ATP6V1H: variants seen among roughly 807,000 people sequenced by gnomAD.
ATP6V1H encodes the protein ATPase H+ transporting V1 subunit H.
ATP6V1H carries 39 observed loss-of-function variants against 71.7 expected under a neutral mutation model. The ratio of observed to expected loss-of-function variants is 0.54; its 90% confidence interval spans 0.42 to 0.71. The LOEUF is 0.71. ATP6V1H is among the 30% of genes least tolerant of loss of function. The pLI, the probability that ATP6V1H is intolerant of heterozygous loss-of-function variation, is 0.00. For synonymous variants in ATP6V1H, 192 were observed against 199.3 expected, an observed-to-expected ratio of 0.96 and a Z score of 0.31; for missense variants, 509 against 594.9, an observed-to-expected ratio of 0.86 and a Z score of 1.50.
intron 9 of ATP6V1H, among the ~76,000 whole-genome samples, chr8:53,784,697 A>T (rs1376828246): frequency 6.6e-6 from 1 of 152,136 alleles, no homozygotes; most frequent in Non-Finnish European, 1.5e-5. Flanking sequence ...TTCGATGTTT[A>T]GTGCTTCCTT....
At chr8:53,735,798 G>T (rs950680830) in intron 13 of ATP6V1H, among the ~76,000 whole-genome samples, 3 of 152,066 alleles carry the variant, frequency 2.0e-5, no homozygotes, top group African/African-American at 7.3e-5. Context: ...ATTTCTCTAG[G>T]ATCCATATAA....
At position 53,826,852 on chromosome 8, in the gene ATP6V1H, A is replaced by G. The variant is rs941518773; in HGVS notation, c.306+2592T>C. 2.6e-5 allele frequency among the ~76,000 whole-genome samples: 4 copies of G among 151,910 alleles called. No individual in the cohort carries two copies. In the East Asian group the frequency reaches 7.8e-4, roughly 29 times the overall value. The stretch of plus-strand genomic sequence containing the variant: ...CCTGTATCCCAGTTACTCTGGAGGC[A>G]GAGGCAGGAGAATTGCTTGAACCCA... On this transcript the variant is annotated intron_variant, in intron 4 of 13. Coordinates refer to ENST00000359530, the MANE Select transcript of ATP6V1H (RefSeq NM_015941.4).
At chr8:53,735,461 A>G (rs774565116) in intron 13 of ATP6V1H, among the ~76,000 whole-genome samples, 5 of 152,228 alleles carry the variant, frequency 3.3e-5, no homozygotes, top group African/African-American at 1.2e-4. Flanking sequence ...CTGGCACTCA[A>G]GCAGCTACTG....
intron 11 of ATP6V1H, among the ~76,000 whole-genome samples, chr8:53,757,345 G>A (rs1420630761): frequency 6.6e-6 from 1 of 152,202 alleles, no homozygotes; most frequent in Admixed American, 6.5e-5. Flanking sequence ...GAGGGTGGGT[G>A]CAGCTACCCA....
intron 11 of ATP6V1H, among the ~76,000 whole-genome samples, chr8:53,765,527 AAAAGAAAG>A (rs562543419): frequency 3.3e-5 from 5 of 151,544 alleles, no homozygotes; most frequent in East Asian, 1.9e-4. Flanking sequence ...GCACCAAAAA[AAAAGAAAG>A]AAAGAAAGAA....
chr8:53,737,522 A>AG (rs1807260924), intron 13 of ATP6V1H, among the ~76,000 whole-genome samples: 1 of 152,354 alleles, frequency 6.6e-6, no homozygotes, highest in African/African-American at 2.4e-5. Context: ...CTAAATGCCT[A>AG]ACCCTTAAGG....
intron 9 of ATP6V1H, among the ~76,000 whole-genome samples, chr8:53,783,879 T>A (rs1375538275): frequency 1.3e-5 from 2 of 152,258 alleles, no homozygotes; most frequent in African/African-American, 4.8e-5. Flanking sequence ...TCCTGAGTTC[T>A]AGTTTGATTG....
At chr8:53,740,453 A>T (rs1807370005) in intron 13 of ATP6V1H, among the ~76,000 whole-genome samples, 1 of 152,318 alleles carries the variant, frequency 6.6e-6, no homozygotes, top group Admixed American at 6.5e-5. Flanking sequence ...GCAGACCTTC[A>T]TGCTTTCATC....
intron 4 of ATP6V1H, among the ~76,000 whole-genome samples, chr8:53,826,203 T>C (rs1204943474): frequency 6.6e-6 from 1 of 152,144 alleles, no homozygotes; most frequent in African/African-American, 2.4e-5. Flanking sequence ...ACTCACACCC[T>C]GCTGATGAAA....
intron 9 of ATP6V1H, among the ~76,000 whole-genome samples, chr8:53,774,377 T>C (rs555679782): frequency 6.6e-6 from 1 of 152,318 alleles, no homozygotes; most frequent in Non-Finnish European, 1.5e-5. Flanking sequence ...TAGAAAGTAT[T>C]CATTTCAGAG....
intron 7 of ATP6V1H, among the ~76,000 whole-genome samples, chr8:53,808,800 CAA>C (rs59475877): frequency 5.0e-5 from 4 of 80,440 alleles, no homozygotes; most frequent in African/African-American, 1.4e-4. Context: ...GACTCCATCT[CAA>C]AAAAAAAAAA....
At chr8:53,761,304 T>C (rs182520847) in intron 11 of ATP6V1H, among the ~76,000 whole-genome samples, 4,091 of 149,058 alleles carry the variant, frequency 0.027, 71 homozygotes, top group Middle Eastern at 0.044. Context: ...GCCACTGCAC[T>C]CCAGCCTGGG....
chr8:53,752,733 T>C (rs989645006), intron 12 of ATP6V1H, among the ~76,000 whole-genome samples: 2 of 152,122 alleles, frequency 1.3e-5, no homozygotes, highest in African/African-American at 4.8e-5. Flanking sequence ...CTATTTTTAG[T>C]AGAGACGGGG....
Position 53,841,596 on chromosome 8 carries a change from T to C in ATP6V1H, c.95A>G (p.Asn32Ser). The C allele has an allele frequency of 1.2e-6, 2 of 1,614,102 alleles. No homozygotes were observed. Among genetic ancestry groups the C allele is most frequent in the Non-Finnish European group, 8.5e-7 (1 of 1,179,990 alleles). Residue 32 changes from asparagine to serine, a missense_variant, in exon 2 of 14, where the codon AAC becomes AGC. Physicochemically the swap from Asn to Ser is conservative, Grantham distance 46. Transcript: ENST00000359530. ...TACTTACTGAAGATAGGATTGCCAG[T>C]TGACTTTGTTTGCACGAACTTCTGC... The part of the protein sequence containing the change: ...KAAEVRANKV[N>S]WQSYLQGQMI...
intron 9 of ATP6V1H, among the ~76,000 whole-genome samples, chr8:53,795,392 T>G (rs1809694243): frequency 6.6e-6 from 1 of 152,180 alleles, no homozygotes; most frequent in African/African-American, 2.4e-5. Flanking sequence ...TTCCTCCATC[T>G]GAACATAATC....
At chr8:53,828,063 C>T (rs73587664) in intron 4 of ATP6V1H, among the ~76,000 whole-genome samples, 6 of 152,256 alleles carry the variant, frequency 3.9e-5, no homozygotes, top group Admixed American at 6.5e-5. Flanking sequence ...GGCGCTGCAA[C>T]GAACAAACAC....
At chr8:53,825,343 AT>A (rs1003599371) in intron 4 of ATP6V1H, among the ~76,000 whole-genome samples, 25 of 148,706 alleles carry the variant, frequency 1.7e-4, no homozygotes, top group South Asian at 1.1e-3. Context: ...CCTTGTTTTG[AT>A]TTTTTTTTTT....
At position 53,825,816 on chromosome 8, in the gene ATP6V1H, G is replaced by A. The variant is rs1374051698; in HGVS notation, c.306+3628C>T. Among the ~76,000 whole-genome samples the A allele has an allele frequency of 2.6e-5, 4 of 152,076 alleles. No homozygotes were observed. In the East Asian group the frequency reaches 7.7e-4, roughly 29 times the overall value. ...ACAAGCACTAGAAAAAAACCTTGGT[G>A]AATTCCACTGTAAACTTGGGTATAA... On this transcript the variant is annotated intron_variant, in intron 4 of 13. Transcript: ENST00000359530.
intron 3 of ATP6V1H, 22 bp from the exon 4 acceptor site, chr8:53,829,555 A>C (rs779328695): frequency 1.4e-6 from 2 of 1,460,108 alleles, no homozygotes; most frequent in Non-Finnish European, 1.9e-6. Flanking sequence ...AATGAAATTA[A>C]AGTTATTGTT....
Sources: gnomAD v4.1 joint callset for allele counts (sites outside exome capture counted in the v4.1 genomes callset) on GRCh38, gnomAD v4.1.1 for gene constraint, MANE v1.5 for transcripts, NCBI Gene and HGNC (gene_info 2026-07-23, HGNC 2026-07-21) for gene names.